OSBPL9: variants seen among roughly 807,000 people sequenced by gnomAD.
OSBPL9 encodes the protein oxysterol-binding protein-related protein 9.
OSBPL9 carries 40 observed loss-of-function variants against 106.6 expected under a neutral mutation model. That is an observed-to-expected ratio of 0.38 (90% CI 0.29 to 0.49). OSBPL9 has a LOEUF of 0.49. OSBPL9 is among the 20% of genes least tolerant of loss of function. The pLI is 0.97. For synonymous variants in OSBPL9, 269 were observed against 295.4 expected, an observed-to-expected ratio of 0.91 and a Z score of 0.92; for missense variants, 609 against 887.2, an observed-to-expected ratio of 0.69 and a Z score of 3.98.
At chr1:51,698,819 A>G (rs936598353) in intron 3 of OSBPL9, among the ~76,000 whole-genome samples, 3 of 152,174 alleles carry the variant, frequency 2.0e-5, no homozygotes, top group Non-Finnish European at 4.4e-5. Flanking sequence ...ACTTCTAGAG[A>G]GTTGGCTCTG....
intron 20 of OSBPL9, 84 bp downstream of exon 20, chr1:51,784,666 G>C: frequency 4.1e-6 from 6 of 1,449,700 alleles, no homozygotes; most frequent in Non-Finnish European, 5.7e-6. Context: ...TGGATTAGGA[G>C]TGTGAAAGAA....
intron 8 of OSBPL9, among the ~76,000 whole-genome samples, chr1:51,755,154 G>T (rs1337744092): frequency 6.6e-6 from 1 of 152,086 alleles, no homozygotes; most frequent in African/African-American, 2.4e-5. Context: ...CCAGTCTATG[G>T]TATTTTGTTA....
At chr1:51,555,468 C>T in the OSBPL9 span, among the ~76,000 whole-genome samples, 4 of 151,078 alleles carry the variant, frequency 2.6e-5, no homozygotes, top group African/African-American at 9.7e-5. Flanking sequence ...CCAGCCTGGG[C>T]AACAAAAAAG....
At chr1:51,618,140 T>A (rs1644197736) in intron 1 of OSBPL9, among the ~76,000 whole-genome samples, 1 of 152,030 alleles carries the variant, frequency 6.6e-6, no homozygotes, top group Non-Finnish European at 1.5e-5. Context: ...GCCTCTGGCC[T>A]CCCTAGTAGC....
chr1:51,597,417 A>ATG (rs1645305080), intron 1 of OSBPL9, among the ~76,000 whole-genome samples: 1 of 97,382 alleles, frequency 1.0e-5, no homozygotes, highest in Non-Finnish European at 2.5e-5. Context: ...GTGTATATAT[A>ATG]TATATATGTG....
chr1:51,599,117 G>C (rs1280368809), intron 2 of OSBPL9, among the ~76,000 whole-genome samples: 1 of 152,170 alleles, frequency 6.6e-6, no homozygotes, highest in Non-Finnish European at 1.5e-5. Flanking sequence ...AGAGGATGAG[G>C]TTGGAAGATC....
intron 11 of OSBPL9, among the ~76,000 whole-genome samples, chr1:51,765,206 A>G (rs1672316420): frequency 6.6e-6 from 1 of 152,102 alleles, no homozygotes; most frequent in African/African-American, 2.4e-5. Flanking sequence ...GAATAGAAAA[A>G]TGTTCTTCTG....
intron 3 of OSBPL9, among the ~76,000 whole-genome samples, chr1:51,684,910 C>CTTTTTTTTTTTTTTTTTTTTTT (rs756783433): frequency 7.1e-6 from 1 of 140,578 alleles, no homozygotes; most frequent in African/African-American, 2.7e-5. Flanking sequence ...CACTGCTCTT[C>CTTTTTTTTTTTTTTTTTTTTTT]TTCTTTTTTT....
intron 14 of OSBPL9, among the ~76,000 whole-genome samples, chr1:51,775,148 T>C (rs1674766742): frequency 6.6e-6 from 1 of 152,204 alleles, no homozygotes; most frequent in South Asian, 2.1e-4. Context: ...ATTTACATGT[T>C]CTGTGGAAGA....
chr1:51,602,430 T>A (rs1239510825), intron 2 of OSBPL9, among the ~76,000 whole-genome samples: 3 of 148,024 alleles, frequency 2.0e-5, no homozygotes, highest in Non-Finnish European at 3.0e-5. Flanking sequence ...TTTTTTTTTT[T>A]TTTTTTTTTT....
At chr1:51,728,196 C>T (rs1382342095) in intron 4 of OSBPL9, among the ~76,000 whole-genome samples, 1 of 152,160 alleles carries the variant, frequency 6.6e-6, no homozygotes, top group East Asian at 1.9e-4. Context: ...TGAATTGTAT[C>T]CTAAGCACAA....
the OSBPL9 span, among the ~76,000 whole-genome samples, chr1:51,556,930 AT>A: frequency 6.6e-6 from 1 of 150,590 alleles, no homozygotes; most frequent in African/African-American, 2.4e-5. Flanking sequence ...ACAGTAATTT[AT>A]TATACATTTA....
the OSBPL9 span, among the ~76,000 whole-genome samples, chr1:51,535,078 C>G: frequency 6.6e-6 from 1 of 152,212 alleles, no homozygotes; most frequent in South Asian, 2.1e-4. Flanking sequence ...GTTCACGGGA[C>G]CTTTATTTGC....
intron 4 of OSBPL9, among the ~76,000 whole-genome samples, chr1:51,725,833 T>G (rs1227694522): frequency 6.6e-6 from 1 of 152,186 alleles, no homozygotes; most frequent in Non-Finnish European, 1.5e-5. Flanking sequence ...CCCATATTAC[T>G]ACATGTCCCT....
intron 17 of OSBPL9, among the ~76,000 whole-genome samples, chr1:51,783,514 G>C (rs2149153132): frequency 6.6e-6 from 1 of 152,264 alleles, no homozygotes; most frequent in East Asian, 1.9e-4. Flanking sequence ...ACAGTTGGCT[G>C]AATCTGTGGG....
chr1:51,656,471 C>G (rs752018003), intron 2 of OSBPL9, among the ~76,000 whole-genome samples: 3 of 152,098 alleles, frequency 2.0e-5, no homozygotes, highest in East Asian at 1.9e-4. Flanking sequence ...TTGCTTCTGA[C>G]TTTTTCTTTT....
chr1:51,569,508 A>C, the OSBPL9 span: 1 of 152,132 alleles, frequency 6.6e-6, no homozygotes, highest in Non-Finnish European at 1.5e-5. Context: ...TGTCATTAGG[A>C]CCTAATGGAG....
chr1:51,544,477 C>A, the OSBPL9 span, among the ~76,000 whole-genome samples: 1 of 152,134 alleles, frequency 6.6e-6, no homozygotes, highest in South Asian at 2.1e-4. Flanking sequence ...AACATTGATT[C>A]GATCAGCGTG....
chr1:51,657,953 A>T (rs532785390), intron 2 of OSBPL9, among the ~76,000 whole-genome samples: 1 of 151,962 alleles, frequency 6.6e-6, no homozygotes, highest in Non-Finnish European at 1.5e-5. Flanking sequence ...AAAAAAAATG[A>T]ACAAAATTGG....
Sources: allele counts gnomAD v4.1 joint callset (sites outside exome capture counted in the v4.1 genomes callset), GRCh38; gene constraint gnomAD v4.1.1; transcripts MANE v1.5; gene names NCBI Gene and HGNC (gene_info 2026-07-23, HGNC 2026-07-21).